Variants in GRID2 observed in about 807,000 individuals in gnomAD.
The protein encoded by GRID2 is glutamate ionotropic receptor delta type subunit 2.
In GRID2, 33 loss-of-function variants were observed where a neutral mutation model predicts 114.8. That is an observed-to-expected ratio of 0.29 (90% CI 0.22 to 0.38). The LOEUF (loss-of-function observed/expected upper bound fraction) is 0.38. Ranked by LOEUF, GRID2 falls within the 10% of genes least tolerant of loss-of-function variation. GRID2 has a pLI of 1.00. For synonymous variants in GRID2, 505 were observed against 449.9 expected, an observed-to-expected ratio of 1.12 and a Z score of -1.55; for missense variants, 1,184 against 1,257.7, an observed-to-expected ratio of 0.94 and a Z score of 0.89.
intron 1 of GRID2, among the ~76,000 whole-genome samples, chr4:93,791,487 C>T (rs939043564): frequency 6.6e-6 from 1 of 152,046 alleles, no homozygotes; most frequent in Non-Finnish European, 1.5e-5. Context: ...ACAAACTCTT[C>T]AGACTAAAAA....
chr4:92,655,341 C>G (rs1732172094), intron 2 of GRID2, among the ~76,000 whole-genome samples: 1 of 151,900 alleles, frequency 6.6e-6, no homozygotes, highest in African/African-American at 2.4e-5. Context: ...CCTTTTTACT[C>G]AGAGTTGCTT....
At chr4:92,385,850 G>A (rs1397279706) in intron 1 of GRID2, among the ~76,000 whole-genome samples, 1 of 146,146 alleles carries the variant, frequency 6.8e-6, no homozygotes, top group African/African-American at 2.5e-5. Flanking sequence ...TTTAACTTTT[G>A]TTGTGAAGAA....
chr4:93,202,297 G>A (rs1742193273), intron 4 of GRID2, among the ~76,000 whole-genome samples: 1 of 152,042 alleles, frequency 6.6e-6, no homozygotes, highest in South Asian at 2.1e-4. Context: ...CAGCACTAGT[G>A]TTTATGAGCT....
chr4:93,491,682 A>G (rs1292016460), intron 12 of GRID2, among the ~76,000 whole-genome samples: 1 of 151,938 alleles, frequency 6.6e-6, no homozygotes, highest in Non-Finnish European at 1.5e-5. Flanking sequence ...CAGAATAATT[A>G]GATATGTCAG....
intron 13 of GRID2, among the ~76,000 whole-genome samples, chr4:93,577,383 A>G (rs565314208): frequency 6.6e-6 from 1 of 152,358 alleles, no homozygotes; most frequent in African/African-American, 2.4e-5. Context: ...GGACCCTTCT[A>G]ATTCAAAAAT....
chr4:92,306,104 G>A (rs549890165), intron 1 of GRID2, among the ~76,000 whole-genome samples: 3 of 152,236 alleles, frequency 2.0e-5, no homozygotes, highest in Non-Finnish European at 2.9e-5. Flanking sequence ...GCCCAAGCGA[G>A]GGATTTCTGT....
chr4:93,026,568 G>C (rs756482452), intron 2 of GRID2, among the ~76,000 whole-genome samples: 4 of 151,694 alleles, frequency 2.6e-5, no homozygotes, highest in Non-Finnish European at 5.9e-5. Context: ...AGTATTTTCA[G>C]ATTTACTTTG....
chr4:92,799,699 A>C (rs1188258397), intron 2 of GRID2, among the ~76,000 whole-genome samples: 1 of 151,988 alleles, frequency 6.6e-6, no homozygotes, highest in Non-Finnish European at 1.5e-5. Context: ...AGGGGTTACA[A>C]ATACAAATAC....
intron 2 of GRID2, among the ~76,000 whole-genome samples, chr4:92,877,947 C>T (rs528587466): frequency 4.6e-5 from 7 of 152,168 alleles, no homozygotes; most frequent in African/African-American, 1.2e-4. Flanking sequence ...AAAGAAAAAC[C>T]GTCTGGTGTT....
chr4:93,464,421 G>A lies in GRID2; in HGVS notation c.1858+8447G>A, dbSNP rs897443395. Among the ~76,000 whole-genome samples the A allele has an allele frequency of 5.3e-5, 8 of 152,204 alleles. No homozygotes were observed. The East Asian group carries it at 1.4e-3, about 26-fold the overall frequency. ...ATTAAGACTGTTAGCATTTAGCCTA[G>A]CTCTAGAATGCATCCTTAAAACCCA... On this transcript the variant is annotated intron_variant, in intron 11 of 15. Coordinates refer to ENST00000282020, the MANE Select transcript of GRID2 (RefSeq NM_001510.4).
At chr4:93,672,830 G>T (rs1435504384) in intron 14 of GRID2, among the ~76,000 whole-genome samples, 2 of 151,996 alleles carry the variant, frequency 1.3e-5, no homozygotes, top group Non-Finnish European at 2.9e-5. Flanking sequence ...ACATCAGTTT[G>T]GAAAATAAAA....
intron 2 of GRID2, among the ~76,000 whole-genome samples, chr4:92,650,480 T>C (rs1394458471): frequency 6.6e-6 from 1 of 152,252 alleles, no homozygotes; most frequent in Admixed American, 6.5e-5. Flanking sequence ...GACATATTCA[T>C]TCGTATCTAC....
chr4:93,785,053 A>C (rs1734564886), intron 1 of GRID2, among the ~76,000 whole-genome samples: 1 of 152,204 alleles, frequency 6.6e-6, no homozygotes, highest in East Asian at 1.9e-4. Context: ...TTTTTTAGGC[A>C]AAGAGAAAGA....
intron 2 of GRID2, among the ~76,000 whole-genome samples, chr4:93,060,390 T>C (rs1412111979): frequency 6.6e-6 from 1 of 152,174 alleles, no homozygotes; most frequent in African/African-American, 2.4e-5. Flanking sequence ...TCTGATAAAG[T>C]ATTTGTGTTT....
chr4:92,514,911 G>A (rs1199615801), intron 1 of GRID2, among the ~76,000 whole-genome samples: 1 of 151,832 alleles, frequency 6.6e-6, no homozygotes, highest in Non-Finnish European at 1.5e-5. Flanking sequence ...TCTAAGCAGT[G>A]ATATTAGAGG....
At chr4:93,552,244 G>A (rs1255092788) in intron 13 of GRID2, among the ~76,000 whole-genome samples, 3 of 151,980 alleles carry the variant, frequency 2.0e-5, no homozygotes, top group South Asian at 2.1e-4. Flanking sequence ...ATTCCATGGT[G>A]TATATGTGCC....
rs755855708 is a variant in GRID2, at chr4:92,655,522, C to A, written c.244+65236C>A. Among the ~76,000 whole-genome samples, 8 of 151,732 alleles carry A rather than the reference C, an allele frequency of 5.3e-5. 1 individual carries two copies. The South Asian group carries it at 1.7e-3, about 32-fold the overall frequency. On this transcript the variant is annotated intron_variant, in intron 2 of 15. Coordinates refer to ENST00000282020, the MANE Select transcript of GRID2 (RefSeq NM_001510.4). ...TGATCTGTGAGCATGGGTTGTCTTTCCATTTCTATGTGTCCTTTTTAATTT... is the reference window on the plus strand; with the variant it reads ...TGATCTGTGAGCATGGGTTGTCTTTACATTTCTATGTGTCCTTTTTAATTT...
At chr4:93,159,877 A>G (rs568649820) in intron 4 of GRID2, among the ~76,000 whole-genome samples, 1 of 151,866 alleles carries the variant, frequency 6.6e-6, no homozygotes, top group South Asian at 2.1e-4. Flanking sequence ...AATTAATTCC[A>G]TTATTTAAAA....
At chr4:92,870,712 T>G (rs1249157808) in intron 2 of GRID2, among the ~76,000 whole-genome samples, 2 of 152,132 alleles carry the variant, frequency 1.3e-5, no homozygotes, top group Non-Finnish European at 2.9e-5. Flanking sequence ...GCTTGGAAAT[T>G]GTTGTATGCA....
Sources: allele counts gnomAD v4.1 joint callset (sites outside exome capture counted in the v4.1 genomes callset), GRCh38; gene constraint gnomAD v4.1.1; transcripts MANE v1.5; gene names NCBI Gene and HGNC (gene_info 2026-07-23, HGNC 2026-07-21).